The following SMAP1 variants were observed in gnomAD, a reference collection of about 807,000 sequenced individuals.
The protein encoded by SMAP1 is small ArfGAP 1.
A neutral mutation model predicts 58.5 loss-of-function variants in SMAP1; 24 were observed. That is an observed-to-expected ratio of 0.41 (90% CI 0.30 to 0.58). SMAP1 has a LOEUF of 0.58. Ranked by LOEUF, SMAP1 falls within the 20% of genes least tolerant of loss-of-function variation. The pLI, the probability that SMAP1 is intolerant of heterozygous loss-of-function variation, is 0.29. For missense variants in SMAP1, 563 were observed against 566.3 expected (o/e 0.99, Z 0.06); for synonymous variants, 216 against 196.6 (o/e 1.10, Z -0.82).
In SMAP1 at chr6:70,740,996, G is replaced by A. The variant is rs927570397; in HGVS notation, c.252+8485G>A. On this transcript the variant is annotated intron_variant, in intron 2 of 10. Coordinates refer to ENST00000370455, the MANE Select transcript of SMAP1 (RefSeq NM_001044305.3). ...CCAAGAGAACAGTAAGGGGAAAACC[G>A]CCCCCATGATTCAATTATTTCCCAC... 9.9e-5 allele frequency among the ~76,000 whole-genome samples: 15 copies of A among 152,136 alleles called. No individual in the cohort carries two copies. The South Asian group carries it at 1.5e-3, about 15-fold the overall frequency.
chr6:70,805,002 A>G (rs1769054549), intron 6 of SMAP1, among the ~76,000 whole-genome samples: 1 of 150,772 alleles, frequency 6.6e-6, no homozygotes, highest in Non-Finnish European at 1.5e-5. Flanking sequence ...CTTGAAGAGT[A>G]TCTTTGTGGT....
intron 1 of SMAP1, among the ~76,000 whole-genome samples, chr6:70,716,030 C>T (rs1379545597): frequency 6.6e-6 from 1 of 152,182 alleles, no homozygotes; most frequent in Non-Finnish European, 1.5e-5. Flanking sequence ...AAAATGGTCT[C>T]CAATCCCATC....
At chr6:70,833,790 A>G (rs928116994) in intron 6 of SMAP1, among the ~76,000 whole-genome samples, 1 of 152,174 alleles carries the variant, frequency 6.6e-6, no homozygotes, top group African/African-American at 2.4e-5. Flanking sequence ...TCATTTTTAT[A>G]TGCCAAAAAA....
At chr6:70,788,631 A>G (rs1381655906) in intron 4 of SMAP1, among the ~76,000 whole-genome samples, 1 of 152,144 alleles carries the variant, frequency 6.6e-6, no homozygotes, top group African/African-American at 2.4e-5. Context: ...TCTGAAGAAG[A>G]GGGACTAGCA....
Position 70,736,951 on chromosome 6 carries a change from CTT to C in SMAP1, c.252+4444_252+4445del, listed in dbSNP as rs199740357. Among the ~76,000 whole-genome samples the C allele has an allele frequency of 1.6e-4, 25 of 152,286 alleles. No individual in the cohort carries two copies. The East Asian group carries it at 4.2e-3, about 26-fold the overall frequency. On this transcript the variant is annotated intron_variant, in intron 2 of 10. Transcript: ENST00000370455. ...TGATTCTTCTGTGAGACTCATAAAA[CTT>C]TTTATTTTCATTAAACTGGTCTTCA...
At chr6:70,698,263 T>G (rs1346073059) in intron 1 of SMAP1, among the ~76,000 whole-genome samples, 2 of 152,242 alleles carry the variant, frequency 1.3e-5, no homozygotes, top group Non-Finnish European at 1.5e-5. Flanking sequence ...CTGAGACATA[T>G]GCTGCCAGAT....
chr6:70,794,869 A>T (rs2149948288), intron 5 of SMAP1, among the ~76,000 whole-genome samples: 1 of 150,128 alleles, frequency 6.7e-6, no homozygotes, highest in South Asian at 2.1e-4. Flanking sequence ...GCTCACTGCA[A>T]GCTCTGCCTC....
intron 4 of SMAP1, among the ~76,000 whole-genome samples, chr6:70,785,470 A>G (rs1767970517): frequency 6.6e-6 from 1 of 152,378 alleles, no homozygotes; most frequent in East Asian, 1.9e-4. Context: ...ACTGAAGGAA[A>G]TAGAGACACA....
chr6:70,785,291 C>T (rs953482967), intron 4 of SMAP1, among the ~76,000 whole-genome samples: 2 of 152,018 alleles, frequency 1.3e-5, no homozygotes, highest in African/African-American at 2.4e-5. Context: ...ATCTCTGGGA[C>T]ACATTCAAAG....
intron 1 of SMAP1, among the ~76,000 whole-genome samples, chr6:70,708,272 C>T (rs1201531917): frequency 6.6e-6 from 1 of 152,154 alleles, no homozygotes; most frequent in Non-Finnish European, 1.5e-5. Context: ...CCAGATTCAT[C>T]CCTGTTGTCT....
intron 4 of SMAP1, among the ~76,000 whole-genome samples, chr6:70,785,411 A>G (rs1342921533): frequency 6.6e-6 from 1 of 152,214 alleles, no homozygotes; most frequent in East Asian, 1.9e-4. Flanking sequence ...GCAAGAGCAA[A>G]CACATTCAAA....
intron 4 of SMAP1, among the ~76,000 whole-genome samples, chr6:70,787,419 C>G (rs1562161037): frequency 6.6e-6 from 1 of 152,196 alleles, no homozygotes; most frequent in East Asian, 1.9e-4. Flanking sequence ...ACACCAAGAG[C>G]AATGGCAACA....
At chr6:70,726,874 GGTGTGT>G (rs35977042) in intron 1 of SMAP1, among the ~76,000 whole-genome samples, 18,377 of 144,732 alleles carry the variant, frequency 0.13, 2,056 homozygotes, top group East Asian at 0.44. Context: ...AAATTTTAGG[GGTGTGT>G]GTGTGTGTGT....
chr6:70,828,265 A>G (rs182288521), intron 6 of SMAP1, among the ~76,000 whole-genome samples: 28 of 152,312 alleles, frequency 1.8e-4, no homozygotes, highest in Admixed American at 1.0e-3. Flanking sequence ...TGAAAATTTT[A>G]GTAAAGGTTA....
chr6:70,832,961 A>G (rs1770423083), intron 6 of SMAP1, among the ~76,000 whole-genome samples: 1 of 152,234 alleles, frequency 6.6e-6, no homozygotes, highest in Non-Finnish European at 1.5e-5. Flanking sequence ...CTCATCTAGG[A>G]CTAGGAACAT....
intron 7 of SMAP1, among the ~76,000 whole-genome samples, chr6:70,848,454 A>G (rs1244860010): frequency 3.9e-5 from 6 of 152,252 alleles, no homozygotes. Flanking sequence ...TGATTTGTTT[A>G]TAATTAGGCG....
intron 1 of SMAP1, among the ~76,000 whole-genome samples, chr6:70,701,611 T>C (rs1236985573): frequency 6.6e-6 from 1 of 152,206 alleles, no homozygotes; most frequent in Admixed American, 6.5e-5. Context: ...AGCTGATTTC[T>C]GCCCTGTGTC....
chr6:70,819,272 CA>C (rs1439530454), intron 6 of SMAP1, among the ~76,000 whole-genome samples: 1 of 146,906 alleles, frequency 6.8e-6, no homozygotes, highest in East Asian at 2.0e-4. Context: ...CTCTCATCAA[CA>C]AAAAGATGAG....
intron 1 of SMAP1, among the ~76,000 whole-genome samples, chr6:70,705,704 T>C (rs77012333): frequency 0.03 from 4,524 of 152,182 alleles, 138 homozygotes; most frequent in South Asian, 0.11. Flanking sequence ...GCCTTGTCAG[T>C]AAAAGGGAGG....
Sources: gnomAD v4.1 joint callset for allele counts (sites outside exome capture counted in the v4.1 genomes callset) on GRCh38, gnomAD v4.1.1 for gene constraint, MANE v1.5 for transcripts, NCBI Gene and HGNC (gene_info 2026-07-23, HGNC 2026-07-21) for gene names.